The following VWA5A variants were observed in gnomAD, a reference collection of about 807,000 sequenced individuals.
VWA5A encodes the protein von Willebrand factor A domain containing 5A, also known as von Willebrand factor A domain-containing protein 5A.
A neutral mutation model predicts 84.6 loss-of-function variants in VWA5A; 77 were observed. That is an observed-to-expected ratio of 0.91 (90% CI 0.76 to 1.10). VWA5A has a LOEUF of 1.10. Among genes scored for constraint, VWA5A ranks in the 50% least tolerant of loss-of-function variants. VWA5A has a pLI of 0.00. For missense variants in VWA5A, 973 were observed against 963.0 expected (o/e 1.01, Z -0.14); for synonymous variants, 334 against 350.1 (o/e 0.95, Z 0.51).
In VWA5A at chr11:124,115,485, A is replaced by AG. The variant is rs1864812400; in HGVS notation, c.-131+7dup. The AG allele has an allele frequency of 6.6e-6, 1 of 152,170 alleles. No homozygotes were observed. The highest frequency in any genetic ancestry group is 2.1e-4 in the South Asian group (1 of 4,828). The allele number at this position is 152,170 out of a possible 1,614,324, so 9.4% of individuals were successfully genotyped here. ...GCTCCGGGCTGCAGGAGAGGAAGGT[A>AG]GGGGACCAAGCTACCGGTGCAGGGC... On this transcript the variant is annotated splice_donor_region_variant and intron_variant, in intron 1 of 18. Coordinates refer to ENST00000456829, the MANE Select transcript of VWA5A (RefSeq NM_001130142.2).
At chr11:124,137,975 C>T (rs2137659821) in intron 15 of VWA5A, among the ~76,000 whole-genome samples, 1 of 152,358 alleles carries the variant, frequency 6.6e-6, no homozygotes, top group Non-Finnish European at 1.5e-5. Flanking sequence ...CCTCCCACCT[C>T]AGCCTCCTGA....
intron 11 of VWA5A, among the ~76,000 whole-genome samples, chr11:124,132,025 C>G (rs994744754): frequency 1.3e-5 from 2 of 151,762 alleles, no homozygotes; most frequent in Admixed American, 6.6e-5. Flanking sequence ...GTTCTTTTCT[C>G]TCTTTTCTTT....
In VWA5A at chr11:124,146,153, C is replaced by A; in HGVS notation, c.*208C>A. Reference sequence around the variant, plus strand: ...CCAACATATGCCCTCAGAAAAGTGACAGTGGTCCCAGAACCTATTCCCTTT... The same window carrying A: ...CCAACATATGCCCTCAGAAAAGTGAAAGTGGTCCCAGAACCTATTCCCTTT... On this transcript the variant is annotated 3_prime_UTR_variant, in exon 19 of 19. Transcript: ENST00000456829. 1 of 503,308 alleles carries A rather than the reference C, an allele frequency of 2.0e-6. No individual in the cohort carries two copies. Among genetic ancestry groups the A allele is most frequent in the Non-Finnish European group, 3.5e-6 (1 of 284,374 alleles). 31.2% of individuals were successfully genotyped at this position (503,308 alleles called of 1,614,324 possible). A position where few individuals can be genotyped will look rare whatever the true frequency, so the allele number is the denominator to read the frequency against.
chr11:124,134,153 G>A (rs539172818), intron 11 of VWA5A, among the ~76,000 whole-genome samples: 8 of 152,354 alleles, frequency 5.3e-5, no homozygotes, highest in Admixed American at 5.2e-4. Context: ...TATTTAGGAA[G>A]TATTGTTACA....
chr11:124,137,853 G>A (rs1372830231), intron 15 of VWA5A, among the ~76,000 whole-genome samples: 1 of 151,848 alleles, frequency 6.6e-6, no homozygotes, highest in Non-Finnish European at 1.5e-5. Flanking sequence ...ATTTGTTCTG[G>A]ACTTATTTTC....
chr11:124,118,121 G>A (rs142208376), intron 4 of VWA5A, 68 bp from the exon 5 acceptor site: 47 of 1,533,408 alleles, frequency 3.1e-5, no homozygotes, highest in Non-Finnish European at 3.9e-5. Flanking sequence ...TGCACTGCTC[G>A]TCTCTTTTTC....
In VWA5A at chr11:124,137,131, T is replaced by A; in HGVS notation, c.1742T>A (p.Val581Asp). 6.2e-7 allele frequency: 1 copy of A among 1,614,042 alleles called. No individual in the cohort carries two copies. The highest frequency in any genetic ancestry group is 1.1e-5 in the South Asian group (1 of 91,074). Residue 581 changes from valine to aspartate, a missense_variant, in exon 15 of 19, where the codon GTC (valine) becomes GAC (aspartate). Transcript: ENST00000456829. ...DALNLSLESGVISSFTAFIAI... is the reference protein window; with the variant it reads ...DALNLSLESGDISSFTAFIAI... ...TTGAACCTTAGCCTTGAGTCTGGTG[T>A]CATAAGCTCCTTCACAGCTTTCATT...
intron 7 of VWA5A, among the ~76,000 whole-genome samples, chr11:124,120,332 G>C (rs1441866827): frequency 6.6e-6 from 1 of 152,168 alleles, no homozygotes; most frequent in Non-Finnish European, 1.5e-5. Flanking sequence ...CTGAGTTTCG[G>C]TGACACAGGA....
In VWA5A at chr11:124,117,090, C is replaced by A. The variant is rs149414497; in HGVS notation, c.-15-407C>A. On this transcript the variant is annotated intron_variant, in intron 2 of 18. Transcript: ENST00000456829. ...CCCATGTGCTATTGTAGGGACTTCACATGTATTAATTCACATACGATGTGT... is the reference window on the plus strand; with the variant it reads ...CCCATGTGCTATTGTAGGGACTTCAAATGTATTAATTCACATACGATGTGT... Among the ~76,000 whole-genome samples the A allele has an allele frequency of 4.0e-3, 603 of 152,314 alleles. 9 individuals carry two copies. The highest frequency in any genetic ancestry group is 0.014 in the African/African-American group (562 of 41,556).
chr11:124,136,691 C>T lies in VWA5A; in HGVS notation c.1625+17C>T, dbSNP rs939362231. ...TGATGTCAAGTGAGAATTCAGTTTTCCCTTCCTTCCTTCCTTCCTTCCTTC... is the reference window on the plus strand; with the variant it reads ...TGATGTCAAGTGAGAATTCAGTTTTTCCTTCCTTCCTTCCTTCCTTCCTTC... On this transcript the variant is annotated intron_variant, in intron 14 of 18. Coordinates refer to ENST00000456829, the MANE Select transcript of VWA5A (RefSeq NM_001130142.2). 7 of 1,094,814 alleles carry T rather than the reference C, an allele frequency of 6.4e-6. No homozygotes were observed. Among genetic ancestry groups the T allele is most frequent in the Non-Finnish European group, 5.0e-6 (4 of 792,132 alleles). 67.8% of individuals were successfully genotyped at this position (1,094,814 alleles called of 1,614,324 possible).
intron 7 of VWA5A, among the ~76,000 whole-genome samples, chr11:124,119,883 T>A (rs1008065620): frequency 6.6e-6 from 1 of 152,240 alleles, no homozygotes; most frequent in East Asian, 1.9e-4. Context: ...AAGTAGTCAT[T>A]GTGATTAGAT....
chr11:124,137,503 T>C (rs1469411865), intron 15 of VWA5A, among the ~76,000 whole-genome samples: 1 of 152,200 alleles, frequency 6.6e-6, no homozygotes, highest in Non-Finnish European at 1.5e-5. Flanking sequence ...AACATTAAAA[T>C]GTAGAAAGTG....
At chr11:124,140,471 T>A (rs901132692) in intron 15 of VWA5A, among the ~76,000 whole-genome samples, 3 of 105,614 alleles carry the variant, frequency 2.8e-5, no homozygotes, top group Non-Finnish European at 4.7e-5. Context: ...AATTTTTAAA[T>A]TTTTTTTTTT....
chr11:124,121,125 G>C (rs1055477721), intron 7 of VWA5A, among the ~76,000 whole-genome samples: 1 of 152,198 alleles, frequency 6.6e-6, no homozygotes, highest in African/African-American at 2.4e-5. Context: ...AAACCATTCA[G>C]AGTTCTGCCA....
intron 6 of VWA5A, 132 bp from the exon 7 acceptor site, chr11:124,118,843 A>C: frequency 1.5e-6 from 2 of 1,353,944 alleles, no homozygotes; most frequent in Non-Finnish European, 1.0e-6. Flanking sequence ...TTTAATCTCC[A>C]GAGCCTTCTC....
intron 11 of VWA5A, among the ~76,000 whole-genome samples, chr11:124,128,590 A>G (rs573701505): frequency 2.0e-5 from 3 of 152,230 alleles, no homozygotes; most frequent in South Asian, 2.1e-4. Context: ...CCATTTTCAC[A>G]ATATTGATTC....
chr11:124,133,882 T>C (rs1229335114), intron 11 of VWA5A, among the ~76,000 whole-genome samples: 7 of 152,222 alleles, frequency 4.6e-5, no homozygotes, highest in African/African-American at 1.7e-4. Flanking sequence ...TGTCGTGAGT[T>C]CTAGTTAGTC....
Position 124,145,413 on chromosome 11 carries a change from G to T in VWA5A, c.2281+50G>T, listed in dbSNP as rs773391264. The T allele has an allele frequency of 1.2e-5, 18 of 1,554,812 alleles. No individual in the cohort carries two copies. In the South Asian group the frequency reaches 2.1e-4, roughly 19 times the overall value. On this transcript the variant is annotated intron_variant, in intron 18 of 18. Coordinates refer to ENST00000456829, the MANE Select transcript of VWA5A (RefSeq NM_001130142.2). ...TCTCCTTCCCCTTCCCTGGCCTGGC[G>T]GAAGGTGACCACAAGAGAGTCCCAT...
At chr11:124,119,757 AT>A (rs1174741312) in intron 7 of VWA5A, among the ~76,000 whole-genome samples, 5 of 152,346 alleles carry the variant, frequency 3.3e-5, no homozygotes, top group Admixed American at 2.0e-4. Context: ...GATTGAAGTA[AT>A]TGGACAAATG....
Sources: allele counts gnomAD v4.1 joint callset (sites outside exome capture counted in the v4.1 genomes callset), GRCh38; gene constraint gnomAD v4.1.1; transcripts MANE v1.5; gene names NCBI Gene and HGNC (gene_info 2026-07-23, HGNC 2026-07-21).